Variants in SLC67A2 observed in about 807,000 individuals in gnomAD.
The protein encoded by SLC67A2 is solute carrier family 67 member 2, also known as solute carrier family 67 member A2.
the SLC67A2 span, chr2:102,718,573 G>T: frequency 6.2e-7 from 1 of 1,613,266 alleles, no homozygotes; most frequent in Non-Finnish European, 8.5e-7. Context: ...GAGGGGCGAT[G>T]ATGCGGCCCA....
the SLC67A2 span, among the ~76,000 whole-genome samples, chr2:102,724,963 C>T: frequency 4.6e-5 from 7 of 152,282 alleles, no homozygotes; most frequent in South Asian, 6.2e-4. Context: ...ACATGATTTC[C>T]GTAGGTCTCG....
chr2:102,716,021 G>A, the SLC67A2 span: 1 of 152,176 alleles, frequency 6.6e-6, no homozygotes, highest in Non-Finnish European at 1.5e-5. Flanking sequence ...TGATGCTGAT[G>A]CTACTGGTCT....
At chr2:102,730,357 G>A in the SLC67A2 span, among the ~76,000 whole-genome samples, 1 of 148,672 alleles carries the variant, frequency 6.7e-6, no homozygotes, top group Non-Finnish European at 1.5e-5. Flanking sequence ...GCCACCTCTG[G>A]ATCTTTCTAC....
At chr2:102,736,844 G>C in the SLC67A2 span, 74 of 1,571,870 alleles carry the variant, frequency 4.7e-5, no homozygotes, top group South Asian at 6.0e-4. Context: ...CGCAGCAGCA[G>C]CCGCGGACCT....
At chr2:102,722,096 AAG>A in the SLC67A2 span, among the ~76,000 whole-genome samples, 1 of 152,202 alleles carries the variant, frequency 6.6e-6, no homozygotes. Context: ...TGGGGGAACA[AAG>A]AGAACGTAAG....
the SLC67A2 span, among the ~76,000 whole-genome samples, chr2:102,722,812 T>C: frequency 6.6e-6 from 1 of 151,892 alleles, no homozygotes; most frequent in Non-Finnish European, 1.5e-5. Context: ...TGGAAACAAA[T>C]CAGCAAAGTG....
chr2:102,728,053 T>C, the SLC67A2 span, among the ~76,000 whole-genome samples: 1 of 151,942 alleles, frequency 6.6e-6, no homozygotes, highest in Non-Finnish European at 1.5e-5. Context: ...CAAGTAAGGA[T>C]GTTGAGCAAG....
chr2:102,726,993 A>G, the SLC67A2 span: 1 of 1,611,026 alleles, frequency 6.2e-7, no homozygotes. Flanking sequence ...AGTAAGAAAA[A>G]GCCCTTGGAC....
At chr2:102,715,146 C>T in the SLC67A2 span, among the ~76,000 whole-genome samples, 4 of 152,204 alleles carry the variant, frequency 2.6e-5, no homozygotes, top group Non-Finnish European at 4.4e-5. Context: ...AAAGTCCAGA[C>T]TACTCCTTGG....
At chr2:102,734,924 T>C in the SLC67A2 span, among the ~76,000 whole-genome samples, 1 of 152,198 alleles carries the variant, frequency 6.6e-6, no homozygotes, top group Non-Finnish European at 1.5e-5. Context: ...TACTTTGAAT[T>C]CTAAGTCAAA....
the SLC67A2 span, among the ~76,000 whole-genome samples, chr2:102,722,510 A>G: frequency 3.3e-5 from 5 of 152,246 alleles, no homozygotes; most frequent in Non-Finnish European, 5.9e-5. Flanking sequence ...AATTTATATT[A>G]AATACATTAA....
At chr2:102,736,799 C>A in the SLC67A2 span, 1 of 1,610,392 alleles carries the variant, frequency 6.2e-7, no homozygotes, top group Admixed American at 1.7e-5. Flanking sequence ...CCCAGTGACC[C>A]CCAAGCTCCA....
the SLC67A2 span, chr2:102,736,597 G>C: frequency 1.2e-6 from 2 of 1,613,468 alleles, no homozygotes; most frequent in Non-Finnish European, 8.5e-7. Flanking sequence ...TGGGTCCCCA[G>C]GCCCGAACAC....
chr2:102,730,211 T>A, the SLC67A2 span, among the ~76,000 whole-genome samples: 1 of 152,160 alleles, frequency 6.6e-6, no homozygotes, highest in African/African-American at 2.4e-5. Flanking sequence ...AATCTGTGTT[T>A]CTTTTTTTTG....
the SLC67A2 span, chr2:102,723,965 C>T: frequency 7.0e-7 from 1 of 1,436,062 alleles, no homozygotes; most frequent in South Asian, 1.2e-5. Flanking sequence ...AAGTATCTTA[C>T]TTATGATCCT....
chr2:102,716,077 G>A, the SLC67A2 span: 1 of 152,140 alleles, frequency 6.6e-6, no homozygotes, highest in Non-Finnish European at 1.5e-5. Context: ...AGTAAAAGGA[G>A]TCATGAGAAA....
At chr2:102,731,100 A>G in the SLC67A2 span, 1 of 1,598,798 alleles carries the variant, frequency 6.3e-7, no homozygotes, top group Admixed American at 1.7e-5. Flanking sequence ...CAATAAAATC[A>G]GCTAGAGCTA....
At chr2:102,726,842 C>T in the SLC67A2 span, 1 of 1,524,116 alleles carries the variant, frequency 6.6e-7, no homozygotes, top group Non-Finnish European at 8.8e-7. Flanking sequence ...AAAAGTCACT[C>T]ACCTGCCGGG....
chr2:102,732,385 C>T, the SLC67A2 span: 1 of 1,613,356 alleles, frequency 6.2e-7, no homozygotes, highest in Admixed American at 1.7e-5. Context: ...AATAAAGGCA[C>T]AACCATGCTG....
Sources: allele counts gnomAD v4.1 joint callset (sites outside exome capture counted in the v4.1 genomes callset), GRCh38; gene constraint gnomAD v4.1.1; transcripts MANE v1.5; gene names NCBI Gene and HGNC (gene_info 2026-07-23, HGNC 2026-07-21).